NCKAP5: variants seen among roughly 807,000 people sequenced by gnomAD.
NCKAP5 encodes NCK associated protein 5, also known as nck-associated protein 5.
In NCKAP5, 92 loss-of-function variants were observed where a neutral mutation model predicts 167.0. That is an observed-to-expected ratio of 0.55 (90% confidence interval 0.47 to 0.66). The LOEUF is 0.66. NCKAP5 is among the 30% of genes least tolerant of loss of function. The pLI, the probability that NCKAP5 is intolerant of heterozygous loss-of-function variation, is 0.00. For missense variants in NCKAP5, 2,378 were observed against 2,315.0 expected, an observed-to-expected ratio of 1.03 and a Z score of -0.56; for synonymous variants, 891 against 877.4, an observed-to-expected ratio of 1.02 and a Z score of -0.27.
intron 5 of NCKAP5, among the ~76,000 whole-genome samples, chr2:133,172,733 C>G (rs1422211978): frequency 6.6e-6 from 1 of 152,060 alleles, no homozygotes; most frequent in African/African-American, 2.4e-5. Context: ...CTGCAAGCTC[C>G]GCCTCCCGGG....
At chr2:132,825,649 G>A (rs1010787317) in intron 11 of NCKAP5, among the ~76,000 whole-genome samples, 3 of 152,162 alleles carry the variant, frequency 2.0e-5, no homozygotes, top group Non-Finnish European at 4.4e-5. Flanking sequence ...GTACAAAGGA[G>A]GTGATTGCTT....
chr2:133,028,435 T>A (rs1011283680), intron 6 of NCKAP5, among the ~76,000 whole-genome samples: 13 of 152,304 alleles, frequency 8.5e-5, no homozygotes, highest in Admixed American at 3.3e-4. Context: ...TCCCTTTCCT[T>A]AATGTCACTT....
At chr2:132,837,558 A>G (rs1192852305) in intron 11 of NCKAP5, among the ~76,000 whole-genome samples, 1 of 148,450 alleles carries the variant, frequency 6.7e-6, no homozygotes, top group Non-Finnish European at 1.5e-5. Flanking sequence ...GTATAGTACA[A>G]TTTTTTTTTT....
chr2:133,580,571 T>C, the NCKAP5 span, among the ~76,000 whole-genome samples: 1 of 152,218 alleles, frequency 6.6e-6, no homozygotes, highest in South Asian at 2.1e-4. Context: ...GTATAAATCA[T>C]GGGTGTCTAA....
At chr2:133,667,919 T>C in the NCKAP5 span, among the ~76,000 whole-genome samples, 1,338 of 152,114 alleles carry the variant, frequency 8.8e-3, 42 homozygotes, top group African/African-American at 0.031. Context: ...AGAAAGCCCA[T>C]ACCCATTACC....
At chr2:132,828,048 A>G (rs1687256101) in intron 11 of NCKAP5, among the ~76,000 whole-genome samples, 1 of 151,278 alleles carries the variant, frequency 6.6e-6, no homozygotes. Context: ...TCTGTAAAAG[A>G]GAGAGATTAT....
At chr2:133,608,026 A>C in the NCKAP5 span, among the ~76,000 whole-genome samples, 3 of 152,214 alleles carry the variant, frequency 2.0e-5, no homozygotes, top group African/African-American at 4.8e-5. Context: ...GTGATTTGGG[A>C]AACTTTTTTT....
Sources: allele counts gnomAD v4.1 joint callset (sites outside exome capture counted in the v4.1 genomes callset), GRCh38; gene constraint gnomAD v4.1.1; transcripts MANE v1.5; gene names NCBI Gene and HGNC (gene_info 2026-07-23, HGNC 2026-07-21).